Variants in NWD2 observed in about 807,000 individuals in gnomAD.
NWD2 encodes the protein NACHT and WD repeat domain-containing protein 2.
In NWD2, 37 loss-of-function variants were observed where a neutral mutation model predicts 132.7. The ratio of observed to expected loss-of-function variants is 0.28; its 90% CI spans 0.21 to 0.37. NWD2 has a LOEUF of 0.37. NWD2 is among the 10% of genes least tolerant of loss of function. The probability of loss-of-function intolerance (pLI) is 1.00; values close to 1 mark genes in which losing one functional copy is unlikely to be tolerated. For missense variants in NWD2, 1,592 were observed against 2,122.4 expected (o/e 0.75, Z 4.91); for synonymous variants, 705 against 803.0 (o/e 0.88, Z 2.06).
chr4:37,444,350 T>C lies in NWD2; in HGVS notation c.2362T>C (p.Leu788=). The C allele has an allele frequency of 6.4e-7, 1 of 1,551,954 alleles. No homozygotes were observed. Among genetic ancestry groups the C allele is most frequent in the Non-Finnish European group, 8.7e-7 (1 of 1,147,058 alleles). ...EDPYLNGCLD[L]ENRSLLEEEK... ...CCCCTACTTGAATGGCTGCCTTGAC[T>C]TGGAGAACAGAAGTTTGCTGGAGGA... The change falls in exon 7 of 7, where the codon TTG becomes CTG. Residue 788 remains leucine (L), a synonymous_variant. Transcript: ENST00000309447. The surrounding 1 kb of genome is among the most constrained non-coding windows in gnomAD (Gnocchi z 4.8).
intron 2 of NWD2, among the ~76,000 whole-genome samples, chr4:37,353,832 G>A (rs568226884): frequency 7.2e-5 from 11 of 151,988 alleles, no homozygotes; most frequent in South Asian, 2.1e-4. Context: ...CCCATCTTCC[G>A]AAGCCTACTT....
At chr4:37,430,232 C>A (rs563238539) in intron 3 of NWD2, among the ~76,000 whole-genome samples, 1 of 152,250 alleles carries the variant, frequency 6.6e-6, no homozygotes, top group South Asian at 2.1e-4. Flanking sequence ...TAAGGTCTAG[C>A]ACATCATTTT....
intron 2 of NWD2, among the ~76,000 whole-genome samples, chr4:37,335,207 C>G (rs149152706): frequency 7.0e-6 from 1 of 143,854 alleles, no homozygotes; most frequent in East Asian, 2.1e-4. Flanking sequence ...GCAGCCTGTT[C>G]TAGCCTTTGC....
At chr4:37,371,136 G>C (rs1720221138) in intron 3 of NWD2, among the ~76,000 whole-genome samples, 1 of 137,064 alleles carries the variant, frequency 7.3e-6, no homozygotes, top group Non-Finnish European at 1.5e-5. Context: ...GGAGGGCAGT[G>C]GTGCAATCTC....
Position 37,347,908 on chromosome 4 carries a change from C to A in NWD2, c.241-8458C>A, listed in dbSNP as rs181989827. 1.4e-3 allele frequency among the ~76,000 whole-genome samples: 210 copies of A among 152,320 alleles called. 1 individual carries two copies. Among genetic ancestry groups the A allele is most frequent in the African/African-American group, 4.9e-3 (205 of 41,576 alleles). ...AGTTCTTGGTTTGTGCATGGCACAACTAAAGGGTGCCATACACATTGCAGT... is the reference window on the plus strand; with the variant it reads ...AGTTCTTGGTTTGTGCATGGCACAAATAAAGGGTGCCATACACATTGCAGT... On this transcript the variant is annotated intron_variant, in intron 2 of 6. Coordinates refer to ENST00000309447, the MANE Select transcript of NWD2 (RefSeq NM_001144990.2).
intron 3 of NWD2, among the ~76,000 whole-genome samples, chr4:37,420,316 C>T (rs537091712): frequency 6.6e-6 from 1 of 152,278 alleles, no homozygotes; most frequent in South Asian, 2.1e-4. Flanking sequence ...TGGTGATCCT[C>T]AACTCCACCC....
intron 3 of NWD2, among the ~76,000 whole-genome samples, chr4:37,369,410 C>T (rs888593631): frequency 6.6e-6 from 1 of 152,132 alleles, no homozygotes; most frequent in African/African-American, 2.4e-5. Flanking sequence ...CCTCACCCTT[C>T]TCCCCCACTT....
intron 1 of NWD2, among the ~76,000 whole-genome samples, chr4:37,280,204 A>G (rs774974607): frequency 2.0e-5 from 3 of 152,322 alleles, no homozygotes; most frequent in South Asian, 2.1e-4. Flanking sequence ...AACATCACCA[A>G]ACTTCTAAAT....
chr4:37,261,847 T>C (rs757139960), intron 1 of NWD2, among the ~76,000 whole-genome samples: 2 of 152,192 alleles, frequency 1.3e-5, no homozygotes, highest in Non-Finnish European at 2.9e-5. Context: ...AAAAGGTCTG[T>C]CTGATGAGAT....
At chr4:37,380,146 T>C (rs1206560072) in intron 3 of NWD2, among the ~76,000 whole-genome samples, 1 of 152,232 alleles carries the variant, frequency 6.6e-6, no homozygotes, top group Non-Finnish European at 1.5e-5. Flanking sequence ...GTTATACCAA[T>C]TTACAGATGA....
chr4:37,380,872 A>AG (rs1720439189), intron 3 of NWD2, among the ~76,000 whole-genome samples: 1 of 152,190 alleles, frequency 6.6e-6, no homozygotes, highest in Non-Finnish European at 1.5e-5. Context: ...CGTTCCCCCC[A>AG]GTCTTGATGG....
At chr4:37,264,227 A>G (rs1274714136) in intron 1 of NWD2, among the ~76,000 whole-genome samples, 2 of 152,172 alleles carry the variant, frequency 1.3e-5, no homozygotes, top group East Asian at 3.9e-4. Context: ...TTCTGACATA[A>G]TAGAAGAATT....
intron 1 of NWD2, among the ~76,000 whole-genome samples, chr4:37,272,013 C>T (rs942490017): frequency 5.3e-5 from 8 of 151,530 alleles, no homozygotes; most frequent in African/African-American, 1.7e-4. Context: ...TATTATGAAT[C>T]GGTTTGAATT....
intron 1 of NWD2, among the ~76,000 whole-genome samples, chr4:37,261,247 T>C (rs1717630596): frequency 6.6e-6 from 1 of 152,158 alleles, no homozygotes. Flanking sequence ...TGGCGTGCAT[T>C]AAACAAAGGC....
intron 3 of NWD2, among the ~76,000 whole-genome samples, chr4:37,404,121 C>T (rs1265253742): frequency 1.3e-5 from 2 of 152,120 alleles, no homozygotes; most frequent in Non-Finnish European, 2.9e-5. Flanking sequence ...GAATAATGGA[C>T]AGGATTTTGA....
chr4:37,275,263 A>G (rs1717983569), intron 1 of NWD2, among the ~76,000 whole-genome samples: 1 of 152,190 alleles, frequency 6.6e-6, no homozygotes, highest in Admixed American at 6.5e-5. Context: ...TGCAAAAATC[A>G]CAAGCATTCT....
rs1375230538 is a variant in NWD2, at chr4:37,443,260, T to A, written c.1297-25T>A. On this transcript the variant is annotated intron_variant, in intron 6 of 6. Transcript: ENST00000309447. The surrounding 1 kb of genome is among the most constrained non-coding windows in gnomAD (Gnocchi z 4.1). ...TGACCATGTGAATACATATTACCAT[T>A]CTAAACTCCACTTTTGTGTTTCAGG... 27 of 1,532,730 alleles carry A rather than the reference T, an allele frequency of 1.8e-5. No individual in the cohort carries two copies. The highest frequency in any genetic ancestry group is 2.4e-5 in the Non-Finnish European group (27 of 1,132,954). 94.9% of individuals were successfully genotyped at this position (1,532,730 alleles called of 1,614,324 possible).
intron 1 of NWD2, among the ~76,000 whole-genome samples, chr4:37,309,614 CAGCATGAGTTCCCTCCCT>C (rs1718789943): frequency 6.6e-6 from 1 of 152,014 alleles, no homozygotes; most frequent in Non-Finnish European, 1.5e-5. Context: ...GGTGGGAACT[CAGCATGAGTTCCCTCCCT>C]ACACTAGTCT....
intron 3 of NWD2, among the ~76,000 whole-genome samples, chr4:37,387,435 T>G (rs1720585357): frequency 6.6e-6 from 1 of 152,094 alleles, no homozygotes; most frequent in Non-Finnish European, 1.5e-5. Context: ...ACTACCATAT[T>G]GGATGTGGCA....
Sources: gnomAD v4.1 joint callset for allele counts (sites outside exome capture counted in the v4.1 genomes callset) on GRCh38, gnomAD v4.1.1 for gene constraint, Gnocchi (gnomAD v3.1) non-coding constraint, MANE v1.5 for transcripts, NCBI Gene and HGNC (gene_info 2026-07-23, HGNC 2026-07-21) for gene names.